The following CMC1 variants were observed in gnomAD, a reference collection of about 807,000 sequenced individuals.
CMC1 encodes C-X9-C motif containing 1, also known as COX assembly mitochondrial protein homolog.
Under a neutral mutation model 14.1 loss-of-function variants are expected in CMC1, and 14 were observed. The ratio of observed to expected loss-of-function variants is 0.99; its 90% confidence interval spans 0.66 to 1.55. CMC1 has a LOEUF of 1.55. CMC1 is among the 40% of genes most tolerant of loss of function. The probability of loss-of-function intolerance (pLI) is 0.00; values close to 1 mark genes in which losing one functional copy is unlikely to be tolerated. For synonymous variants in CMC1, 50 were observed against 38.4 expected (o/e 1.30, Z -1.12); for missense variants, 127 against 123.8 (o/e 1.03, Z -0.12).
rs530028958 is a variant in CMC1 at position 28,262,052 on chromosome 3, T to A, written c.20-1239T>A. 2.0e-5 allele frequency among the ~76,000 whole-genome samples: 3 copies of A among 152,316 alleles called. No homozygotes were observed. In the South Asian group the frequency reaches 6.2e-4, roughly 32 times the overall value. ...ATCTGAATGTCCTTAACCTCACTCA[T>A]AATTGGTAGTTTAGAGACTCTAGAA... is the stretch of plus-strand genomic sequence containing the variant. On this transcript the variant is annotated intron_variant, in intron 1 of 3. Coordinates refer to ENST00000466830, the MANE Select transcript of CMC1 (RefSeq NM_182523.2).
chr3:28,284,781 T>C (rs1701089443), intron 2 of CMC1, among the ~76,000 whole-genome samples: 1 of 152,052 alleles, frequency 6.6e-6, no homozygotes, highest in Non-Finnish European at 1.5e-5. Context: ...TTACTTCCCT[T>C]ACTTCCATCT....
chr3:28,261,662 T>G (rs745595201), intron 1 of CMC1, among the ~76,000 whole-genome samples: 4 of 151,978 alleles, frequency 2.6e-5, no homozygotes, highest in Non-Finnish European at 5.9e-5. Context: ...TGACCCATAG[T>G]TTATTGTTTA....
chr3:28,258,386 AG>A (rs1699535756), intron 1 of CMC1, among the ~76,000 whole-genome samples: 1 of 151,350 alleles, frequency 6.6e-6, no homozygotes, highest in African/African-American at 2.4e-5. Flanking sequence ...AAGGAATTGA[AG>A]GGTCTTTTTT....
chr3:28,246,665 C>T (rs1402047513), intron 1 of CMC1, among the ~76,000 whole-genome samples: 1 of 151,972 alleles, frequency 6.6e-6, no homozygotes, highest in Admixed American at 6.6e-5. Context: ...TTTTGATTAC[C>T]CACTCAAGGT....
intron 2 of CMC1, among the ~76,000 whole-genome samples, chr3:28,274,456 T>C (rs1388083805): frequency 6.6e-6 from 1 of 152,126 alleles, no homozygotes; most frequent in South Asian, 2.1e-4. Context: ...CTCTTCTGGC[T>C]TGTAAGGTTT....
At chr3:28,297,095 C>T (rs1701775613) in intron 2 of CMC1, 1 of 152,060 alleles carries the variant, frequency 6.6e-6, no homozygotes, top group Non-Finnish European at 1.5e-5. Context: ...GTGTCACTGC[C>T]TTGCTGCTCC....
At position 28,324,455 on chromosome 3, in the gene CMC1, C is replaced by G. The variant is rs1703305789; in HGVS notation, c.*4826C>G. 6.9e-7 allele frequency: 1 copy of G among 1,456,286 alleles called. No individual in the cohort carries two copies. The highest frequency in any genetic ancestry group is 1.7e-5 in the South Asian group (1 of 60,466). The allele number at this position is 1,456,286 out of a possible 1,614,324, so 90.2% of individuals were successfully genotyped here. Reference sequence around the variant, plus strand: ...TCACTGCATCCTACAGGGGCACAGGCTAAAAAGAAAACACAGACTAAATGT... The same window carrying G: ...TCACTGCATCCTACAGGGGCACAGGGTAAAAAGAAAACACAGACTAAATGT... On this transcript the variant is annotated 3_prime_UTR_variant, in exon 4 of 4. Coordinates refer to ENST00000466830, the MANE Select transcript of CMC1 (RefSeq NM_182523.2).
At position 28,243,890 on chromosome 3, in the gene CMC1, CAT is replaced by C. The variant is rs376855089; in HGVS notation, c.19+2079_19+2080del. Among the ~76,000 whole-genome samples, 40 of 152,222 alleles carry C rather than the reference CAT, an allele frequency of 2.6e-4. 1 individual carries two copies. The East Asian group carries it at 3.5e-3, about 13-fold the overall frequency. ...GTGATAAACATGAAGAAAATAATGT[CAT>C]GTGGTAGATGGTGAAGAGATTAGTC... On this transcript the variant is annotated intron_variant, in intron 1 of 3. Transcript: ENST00000466830.
intron 2 of CMC1, among the ~76,000 whole-genome samples, chr3:28,284,902 A>T (rs934711465): frequency 9.2e-5 from 14 of 152,166 alleles, no homozygotes; most frequent in African/African-American, 3.4e-4. Flanking sequence ...GCAGCCGTAA[A>T]CCTTGACCTC....
rs560600195 is a variant in CMC1 at position 28,284,508 on chromosome 3, A to G, written c.109+21128A>G. Among the ~76,000 whole-genome samples the G allele has an allele frequency of 2.0e-5, 3 of 152,300 alleles. No individual in the cohort carries two copies. The South Asian group carries it at 6.2e-4, about 32-fold the overall frequency. On this transcript the variant is annotated intron_variant, in intron 2 of 3. Coordinates refer to ENST00000466830, the MANE Select transcript of CMC1 (RefSeq NM_182523.2). Reference sequence around the variant, plus strand: ...CACATGTTTCTCTCCACAGAGAGATAATTGCATTTTTTTTCCCAAAGCTTT... The same window carrying G: ...CACATGTTTCTCTCCACAGAGAGATGATTGCATTTTTTTTCCCAAAGCTTT...
rs577195102 is a variant in CMC1, at chr3:28,259,354, G to A, written c.20-3937G>A. ...TAATGTATAAAACAATGTTACACCC[G>A]CAGTGCATAAACATATATGCTATAT... On this transcript the variant is annotated intron_variant, in intron 1 of 3. Transcript: ENST00000466830. 1.9e-4 allele frequency among the ~76,000 whole-genome samples: 29 copies of A among 151,968 alleles called. No homozygotes were observed. The South Asian group carries it at 4.6e-3, about 24-fold the overall frequency.
rs548543201 is a variant in CMC1, at chr3:28,273,835, A to T, written c.109+10455A>T. On this transcript the variant is annotated intron_variant, in intron 2 of 3. Coordinates refer to ENST00000466830, the MANE Select transcript of CMC1 (RefSeq NM_182523.2). ...ATAATTAGCTCTTCTTGTTGAATGG[A>T]TCCCTGTACCATTATGTAATGCCCT... Among the ~76,000 whole-genome samples the T allele has an allele frequency of 2.2e-4, 33 of 152,264 alleles. 1 individual carries two copies. The South Asian group carries it at 6.4e-3, about 30-fold the overall frequency.
chr3:28,245,359 T>A (rs891897870), intron 1 of CMC1, among the ~76,000 whole-genome samples: 1 of 152,220 alleles, frequency 6.6e-6, no homozygotes, highest in African/African-American at 2.4e-5. Context: ...TCAGACATGA[T>A]TATATTCTCA....
intron 2 of CMC1, among the ~76,000 whole-genome samples, chr3:28,267,684 G>A (rs915280403): frequency 4.6e-5 from 7 of 152,176 alleles, no homozygotes; most frequent in African/African-American, 1.2e-4. Flanking sequence ...GATAAAATGC[G>A]CTCTTCTGTC....
rs1261280493 is a variant in CMC1, at chr3:28,320,138, T to C, written c.*509T>C. Reference sequence around the variant, plus strand: ...TGTACTGAGTATTGCATATAGCAGGTACACGTACAGTGTATAAGACAGTGC... The same window carrying C: ...TGTACTGAGTATTGCATATAGCAGGCACACGTACAGTGTATAAGACAGTGC... On this transcript the variant is annotated 3_prime_UTR_variant, in exon 4 of 4. Transcript: ENST00000466830. 1 of 152,832 alleles carries C rather than the reference T, an allele frequency of 6.5e-6. No individual in the cohort carries two copies. Among genetic ancestry groups the C allele is most frequent in the Admixed American group, 6.5e-5 (1 of 15,270 alleles). 9.5% of individuals were successfully genotyped at this position (152,832 alleles called of 1,614,324 possible). A position where few individuals can be genotyped will look rare whatever the true frequency, so the allele number is the denominator to read the frequency against.
At chr3:28,310,576 G>A (rs1318515742) in intron 2 of CMC1, among the ~76,000 whole-genome samples, 1 of 152,084 alleles carries the variant, frequency 6.6e-6, no homozygotes, top group East Asian at 1.9e-4. Context: ...TTCTACTTTG[G>A]TAATTAAAGA....
chr3:28,283,567 A>G (rs964809408), intron 2 of CMC1, among the ~76,000 whole-genome samples: 2 of 134,026 alleles, frequency 1.5e-5, no homozygotes, highest in East Asian at 1.9e-4. Flanking sequence ...AAAAAAAAAA[A>G]GAAAAGAAGA....
intron 1 of CMC1, among the ~76,000 whole-genome samples, chr3:28,243,459 T>C (rs1269714781): frequency 5.9e-5 from 9 of 152,354 alleles, no homozygotes; most frequent in Non-Finnish European, 1.0e-4. Flanking sequence ...TCTACACTTT[T>C]TGAATTTAGA....
chr3:28,279,563 A>G (rs994230934), intron 2 of CMC1, among the ~76,000 whole-genome samples: 7 of 151,222 alleles, frequency 4.6e-5, no homozygotes, highest in Non-Finnish European at 8.9e-5. Context: ...CTTAAGAACC[A>G]TAAGGGAAAA....
Sources: gnomAD v4.1 joint callset for allele counts (sites outside exome capture counted in the v4.1 genomes callset) on GRCh38, gnomAD v4.1.1 for gene constraint, MANE v1.5 for transcripts, NCBI Gene and HGNC (gene_info 2026-07-23, HGNC 2026-07-21) for gene names.